The following ALDH1A3 variants were observed in gnomAD, a reference collection of about 807,000 sequenced individuals.
The protein encoded by ALDH1A3 is aldehyde dehydrogenase 1 family member A3.
In ALDH1A3, 28 loss-of-function variants were observed where a neutral mutation model predicts 57.5. The ratio of observed to expected loss-of-function variants is 0.49; its 90% CI spans 0.36 to 0.67. The LOEUF (loss-of-function observed/expected upper bound fraction) is 0.67, where lower values mean the gene tolerates loss of function less well. Ranked by LOEUF, ALDH1A3 falls within the 30% of genes least tolerant of loss-of-function variation. The probability of loss-of-function intolerance (pLI) is 0.00; values close to 1 mark genes in which losing one functional copy is unlikely to be tolerated. For missense variants in ALDH1A3, 507 were observed against 669.4 expected (o/e 0.76, Z 2.68); for synonymous variants, 281 against 264.8 (o/e 1.06, Z -0.59).
At chr15:100,914,613 T>C (rs1362116183) in intron 12 of ALDH1A3, 88 bp from the exon 13 acceptor site, 6 of 1,296,616 alleles carry the variant, frequency 4.6e-6, no homozygotes, top group Non-Finnish European at 6.5e-6. Context: ...TCCAACGGCC[T>C]GATGGAATGA....
intron 8 of ALDH1A3, 119 bp downstream of exon 8, chr15:100,898,304 C>T (rs367613407): frequency 4.4e-5 from 36 of 817,112 alleles, no homozygotes; most frequent in Admixed American, 1.7e-4. Flanking sequence ...ACAGTGGGGA[C>T]GCTTCCACCG....
In ALDH1A3 at chr15:100,893,168, GATTAGACCCC is replaced by G; in HGVS notation, c.537+166_537+175del. ...TCCATGCTTGGGGGCTCTTGAGATG[GATTAGACCCC>G]ATTTCTGCTCTCCTAAGACCGGCTT... is the stretch of plus-strand genomic sequence containing the variant. On this transcript the variant is annotated intron_variant, in intron 5 of 12. Coordinates refer to ENST00000329841, the MANE Select transcript of ALDH1A3 (RefSeq NM_000693.4). The surrounding 1 kb of genome is among the most constrained non-coding windows in gnomAD (Gnocchi z 4.8). 1.7e-6 allele frequency: 1 copy of G among 592,334 alleles called. No homozygotes were observed. The highest frequency in any genetic ancestry group is 2.8e-5 in the South Asian group (1 of 36,040). The allele number at this position is 592,334 out of a possible 1,614,324, so 36.7% of individuals were successfully genotyped here. A position where few individuals can be genotyped will look rare whatever the true frequency, so the allele number is the denominator to read the frequency against.
At chr15:100,888,168 G>A (rs1299570223) in intron 3 of ALDH1A3, among the ~76,000 whole-genome samples, 2 of 151,846 alleles carry the variant, frequency 1.3e-5, no homozygotes, top group Admixed American at 6.6e-5. Context: ...GCGCGATCTC[G>A]GCTCACTGCA....
rs539827030 is a variant in ALDH1A3 at position 100,898,108 on chromosome 15, C to T, written c.806C>T (p.Ala269Val). 1.9e-6 allele frequency: 3 copies of T among 1,614,010 alleles called. No homozygotes were observed. The highest frequency in any genetic ancestry group is 2.2e-5 in the South Asian group (2 of 91,024). The change falls in exon 8 of 13, where the codon GCG becomes GTG. Residue 269 changes from alanine (A) to valine (V), a missense_variant. By Grantham distance (64) the Ala-to-Val change is moderately conservative. Coordinates refer to ENST00000329841, the MANE Select transcript of ALDH1A3 (RefSeq NM_000693.4). ...GTTGGAAAACTGGTTAAAGAAGCTG[C>T]GTCCCGGAGCAATCTGAAGCGGGTG... Reference protein sequence around the residue: ...TEVGKLVKEAASRSNLKRVTL... With the variant: ...TEVGKLVKEAVSRSNLKRVTL...
At chr15:100,891,152 C>T (rs2041645320) in intron 3 of ALDH1A3, among the ~76,000 whole-genome samples, 1 of 152,220 alleles carries the variant, frequency 6.6e-6, no homozygotes, top group Non-Finnish European at 1.5e-5. Flanking sequence ...CAGCACTCAC[C>T]ATGGGCGGGC....
intron 1 of ALDH1A3, chr15:100,880,307 C>T (rs1280503351): frequency 8.0e-6 from 3 of 375,354 alleles, no homozygotes; most frequent in Non-Finnish European, 9.5e-6. Context: ...CCCTGCGCTG[C>T]CCGCTTTGAT....
chr15:100,895,662 T>C (rs2041694926), intron 6 of ALDH1A3: 3 of 502,034 alleles, frequency 6.0e-6, no homozygotes, highest in Non-Finnish European at 1.1e-5. Flanking sequence ...ACATTTGCAC[T>C]GCATATCACT....
In ALDH1A3 at chr15:100,900,185, C is replaced by T. The variant is rs117917201; in HGVS notation, c.884-390C>T. Among the ~76,000 whole-genome samples, 521 of 152,286 alleles carry T rather than the reference C, an allele frequency of 3.4e-3. 13 individuals carry two copies. The highest frequency in any genetic ancestry group is 0.027 in the East Asian group (140 of 5,180). ...GAACATTTTGGCTTCTTTAGAAGTTCTCGCCAGGGGGCCTACATCAATAAT... is the reference window on the plus strand; with the variant it reads ...GAACATTTTGGCTTCTTTAGAAGTTTTCGCCAGGGGGCCTACATCAATAAT... On this transcript the variant is annotated intron_variant, in intron 8 of 12. Transcript: ENST00000329841.
chr15:100,901,033 C>T (rs2041762929), intron 9 of ALDH1A3, among the ~76,000 whole-genome samples: 1 of 152,194 alleles, frequency 6.6e-6, no homozygotes. Context: ...CCAGGATGAC[C>T]TCCCTACAGA....
chr15:100,880,551 A>G (rs1319353415), intron 1 of ALDH1A3: 6 of 233,648 alleles, frequency 2.6e-5, no homozygotes, highest in East Asian at 1.7e-4. Flanking sequence ...CTTAGTTTAT[A>G]CCCGGCTCAG....
rs571555643 is a variant in ALDH1A3, at chr15:100,898,488, G to C, written c.883+303G>C. Among the ~76,000 whole-genome samples the C allele has an allele frequency of 2.0e-5, 3 of 152,380 alleles. No homozygotes were observed. In the South Asian group the frequency reaches 6.2e-4, roughly 32 times the overall value. ...TTAAGTTTACCTGCCTGTTCCTGCA[G>C]AGCTGGGGTCACGAGGAGCAGGTCT... On this transcript the variant is annotated intron_variant, in intron 8 of 12. Coordinates refer to ENST00000329841, the MANE Select transcript of ALDH1A3 (RefSeq NM_000693.4).
At position 100,879,922 on chromosome 15, in the gene ALDH1A3, C is replaced by A; in HGVS notation, c.15C>A (p.Asn5Lys). 6.8e-7 allele frequency: 1 copy of A among 1,462,298 alleles called. No individual in the cohort carries two copies. Among genetic ancestry groups the A allele is most frequent in the East Asian group, 3.0e-5 (1 of 32,920 alleles). 90.6% of individuals were successfully genotyped at this position (1,462,298 alleles called of 1,614,324 possible). The stretch of plus-strand genomic sequence containing the variant: ...GCGGAGGAGCCATGGCCACCGCTAA[C>A]GGGGCCGTGGAAAACGGGCAGCCGG... MATA[N>K]GAVENGQPDR... is the part of the protein sequence containing the mutation. The change falls in exon 1 of 13, where the codon AAC becomes AAA. Residue 5 changes from asparagine to lysine, a missense_variant. Asn to Lys is a moderately conservative substitution (Grantham distance 94, BLOSUM62 0). Transcript: ENST00000329841.
At chr15:100,880,131 C>T (rs1437724573) in intron 1 of ALDH1A3, 125 bp downstream of exon 1, 4 of 591,800 alleles carry the variant, frequency 6.8e-6, no homozygotes, top group Non-Finnish European at 9.9e-6. Flanking sequence ...ACCCGAGCCT[C>T]CCTGCCCGGG....
intron 12 of ALDH1A3, among the ~76,000 whole-genome samples, chr15:100,912,388 T>G (rs1567175432): frequency 6.6e-6 from 1 of 152,212 alleles, no homozygotes; most frequent in Non-Finnish European, 1.5e-5. Context: ...CATTTGGGTA[T>G]TTGTGTTTTT....
rs1191734579 is a variant in ALDH1A3, at chr15:100,879,860, G to A, written c.-48G>A. ...GGCTGCGCAGTGTCCGGGCCGAGCC[G>A]GTGCGCCGCAGACTAGGGCGCCTCG... is the stretch of plus-strand genomic sequence containing the variant. On this transcript the variant is annotated 5_prime_UTR_variant, in exon 1 of 13. Coordinates refer to ENST00000329841, the MANE Select transcript of ALDH1A3 (RefSeq NM_000693.4). 7.0e-6 allele frequency: 9 copies of A among 1,289,770 alleles called. No homozygotes were observed. The highest frequency in any genetic ancestry group is 3.2e-5 in the East Asian group (1 of 31,544). The allele number at this position is 1,289,770 out of a possible 1,614,324, so 79.9% of individuals were successfully genotyped here. A position where few individuals can be genotyped will look rare whatever the true frequency, so the allele number is the denominator to read the frequency against.
intron 12 of ALDH1A3, chr15:100,913,864 C>A (rs1201874393): frequency 2.6e-5 from 4 of 152,246 alleles, no homozygotes; most frequent in African/African-American, 9.7e-5. Context: ...ACAGAGACTC[C>A]AGTGGCCACC....
rs2041931610 is a variant in ALDH1A3 at position 100,916,569 on chromosome 15, G to A, written c.*1796G>A. Reference sequence around the variant, plus strand: ...TATAGGCCTGGGAATTCCGATCCTAGCTGCAGATCGCATCCCACAATGCGA... The same window carrying A: ...TATAGGCCTGGGAATTCCGATCCTAACTGCAGATCGCATCCCACAATGCGA... On this transcript the variant is annotated 3_prime_UTR_variant, in exon 13 of 13. Transcript: ENST00000329841. 6.6e-6 allele frequency: 1 copy of A among 152,262 alleles called. No homozygotes were observed. The highest frequency in any genetic ancestry group is 1.5e-5 in the Non-Finnish European group (1 of 68,048). The allele number at this position is 152,262 out of a possible 1,614,324, so 9.4% of individuals were successfully genotyped here. A position where few individuals can be genotyped will look rare whatever the true frequency, so the allele number is the denominator to read the frequency against.
intron 6 of ALDH1A3, 125 bp from the exon 7 acceptor site, chr15:100,895,808 G>A: frequency 1.2e-6 from 1 of 815,354 alleles, no homozygotes; most frequent in East Asian, 2.7e-5. Context: ...TGGGTCCTGG[G>A]TAAATCCAGC....
In ALDH1A3 at chr15:100,892,930, G is replaced by C; in HGVS notation, c.476-15G>C. The C allele has an allele frequency of 6.2e-7, 1 of 1,613,652 alleles. No homozygotes were observed. Among genetic ancestry groups the C allele is most frequent in the Non-Finnish European group, 8.5e-7 (1 of 1,179,756 alleles). On this transcript the variant is annotated splice_polypyrimidine_tract_variant and intron_variant, in intron 4 of 12. Transcript: ENST00000329841. The stretch of plus-strand genomic sequence containing the variant: ...AAGTGAGTGTGTCCTTCCCCACCAT[G>C]TAACCCTCTTCCAGATGACAACGTC...
Sources: allele counts gnomAD v4.1 joint callset (sites outside exome capture counted in the v4.1 genomes callset), GRCh38; gene constraint gnomAD v4.1.1; non-coding constraint Gnocchi (gnomAD v3.1); transcripts MANE v1.5; gene names NCBI Gene and HGNC (gene_info 2026-07-23, HGNC 2026-07-21).